The following NFIB variants were observed in gnomAD, a reference collection of about 807,000 sequenced individuals.
NFIB encodes nuclear factor I B.
Under a neutral mutation model 61.5 loss-of-function variants are expected in NFIB, and 11 were observed. The observed-to-expected ratio is 0.18, with a 90% CI of 0.11 to 0.30. The LOEUF is 0.30. NFIB is among the 10% of genes least tolerant of loss of function. The probability of loss-of-function intolerance (pLI) is 1.00; values close to 1 mark genes in which losing one functional copy is unlikely to be tolerated. For synonymous variants in NFIB, 260 were observed against 216.5 expected, an observed-to-expected ratio of 1.20 and a Z score of -1.76; for missense variants, 471 against 608.9, an observed-to-expected ratio of 0.77 and a Z score of 2.38.
chr9:14,467,863 C>A, the NFIB span, among the ~76,000 whole-genome samples: 1 of 152,114 alleles, frequency 6.6e-6, no homozygotes, highest in African/African-American at 2.4e-5. Flanking sequence ...CCCCATTTTA[C>A]AGATGAAAAA....
chr9:14,505,944 A>C, the NFIB span, among the ~76,000 whole-genome samples: 1 of 152,354 alleles, frequency 6.6e-6, no homozygotes, highest in South Asian at 2.1e-4. Flanking sequence ...ACTCTACTAG[A>C]AGCCTGAATG....
chr9:14,372,871 G>T (rs1039264324), intron 1 of NFIB, among the ~76,000 whole-genome samples: 4 of 151,932 alleles, frequency 2.6e-5, no homozygotes, highest in African/African-American at 9.7e-5. Context: ...AATAAAAAAA[G>T]TTAAACCTTT....
intron 2 of NFIB, among the ~76,000 whole-genome samples, chr9:14,202,163 CAA>C (rs1554671425): frequency 2.7e-5 from 4 of 150,674 alleles, no homozygotes; most frequent in African/African-American, 9.8e-5. Context: ...CACACACACA[CAA>C]AGATTTAGCA....
intron 3 of NFIB, among the ~76,000 whole-genome samples, chr9:14,162,251 T>A (rs1020816594): frequency 1.3e-5 from 2 of 152,096 alleles, no homozygotes; most frequent in African/African-American, 4.8e-5. Flanking sequence ...ATCACTGATT[T>A]TTTTTTCTCA....
chr9:14,492,164 C>T, the NFIB span, among the ~76,000 whole-genome samples: 12 of 151,956 alleles, frequency 7.9e-5, no homozygotes, highest in Non-Finnish European at 1.8e-4. Context: ...GAGATCGAGA[C>T]CATCCTGGAT....
the NFIB span, among the ~76,000 whole-genome samples, chr9:14,417,774 G>GTTTTTT: frequency 3.2e-4 from 29 of 91,760 alleles, no homozygotes; most frequent in Admixed American, 7.4e-4. Context: ...CCTAGGAACA[G>GTTTTTT]TTTTTTTTTT....
chr9:14,136,057 T>TA (rs1357168496), intron 6 of NFIB, among the ~76,000 whole-genome samples: 1 of 152,134 alleles, frequency 6.6e-6, no homozygotes, highest in African/African-American at 2.4e-5. Context: ...CTACACCCAA[T>TA]ACCAAGTTAA....
In NFIB at chr9:14,313,372, G is replaced by A; in HGVS notation, c.30+110C>T. 6.7e-7 allele frequency: 1 copy of A among 1,486,136 alleles called. No individual in the cohort carries two copies. Among genetic ancestry groups the A allele is most frequent in the Non-Finnish European group, 9.2e-7 (1 of 1,090,122 alleles). The allele number at this position is 1,486,136 out of a possible 1,614,324, so 92.1% of individuals were successfully genotyped here. On this transcript the variant is annotated intron_variant, in intron 1 of 10. Transcript: ENST00000380953. This position sits in a 1 kb window ranked among gnomAD's most constrained non-coding sequence, Gnocchi z 4.5. ...CTGCAACTCCGGGCCACTTCTCCAA[G>A]GGACGGGGATGTGCGGAGGTTAACT...
intron 2 of NFIB, among the ~76,000 whole-genome samples, chr9:14,218,336 T>G (rs2131805338): frequency 6.6e-6 from 1 of 152,276 alleles, no homozygotes; most frequent in South Asian, 2.1e-4. Flanking sequence ...CTCAAAACCT[T>G]GTTTCTGTTT....
chr9:14,263,237 T>G (rs2056936108), intron 2 of NFIB, among the ~76,000 whole-genome samples: 1 of 151,852 alleles, frequency 6.6e-6, no homozygotes, highest in African/African-American at 2.4e-5. Flanking sequence ...TACTGCATTA[T>G]TTAAAGGTGG....
At chr9:14,277,313 G>A (rs1163535992) in intron 2 of NFIB, among the ~76,000 whole-genome samples, 1 of 147,100 alleles carries the variant, frequency 6.8e-6, no homozygotes, top group African/African-American at 2.5e-5. Context: ...ATATGCATGT[G>A]CACCCGCGCA....
At chr9:14,245,976 T>A (rs1563940210) in intron 2 of NFIB, among the ~76,000 whole-genome samples, 1 of 151,912 alleles carries the variant, frequency 6.6e-6, no homozygotes, top group Non-Finnish European at 1.5e-5. Context: ...ACTGTAAATA[T>A]CCATCACTCT....
the NFIB span, among the ~76,000 whole-genome samples, chr9:14,484,837 C>T: frequency 1.3e-5 from 2 of 152,290 alleles, no homozygotes; most frequent in South Asian, 4.1e-4. Context: ...GCTGCTATAA[C>T]AAAATACCAT....
At chr9:14,119,204 G>C (rs1253854802) in intron 8 of NFIB, among the ~76,000 whole-genome samples, 2 of 152,128 alleles carry the variant, frequency 1.3e-5, no homozygotes, top group Non-Finnish European at 2.9e-5. Context: ...TCCATGAGCT[G>C]ACAACAAATT....
chr9:14,352,438 C>T (rs968945833), intron 1 of NFIB, among the ~76,000 whole-genome samples: 1 of 152,010 alleles, frequency 6.6e-6, no homozygotes. Flanking sequence ...TGAGCGAGGC[C>T]ACAGGTAAAA....
At chr9:14,269,216 G>T (rs925622960) in intron 2 of NFIB, among the ~76,000 whole-genome samples, 1 of 152,034 alleles carries the variant, frequency 6.6e-6, no homozygotes, top group Non-Finnish European at 1.5e-5. Context: ...ATTCTCTACA[G>T]ATTCTGAAAT....
At chr9:14,409,856 T>C in the NFIB span, among the ~76,000 whole-genome samples, 4 of 152,106 alleles carry the variant, frequency 2.6e-5, no homozygotes, top group Non-Finnish European at 5.9e-5. Flanking sequence ...AAAGAACAGA[T>C]GGTTAAGAAA....
At chr9:14,091,986 C>G (rs1270119116) in intron 10 of NFIB, among the ~76,000 whole-genome samples, 4 of 151,924 alleles carry the variant, frequency 2.6e-5, no homozygotes, top group Admixed American at 2.6e-4. Flanking sequence ...GCTATTTTGA[C>G]CAAATGTATG....
intron 1 of NFIB, among the ~76,000 whole-genome samples, chr9:14,363,606 T>C (rs1331225367): frequency 7.5e-6 from 1 of 133,112 alleles, no homozygotes; most frequent in Non-Finnish European, 1.6e-5. Context: ...CATATACATA[T>C]ATATGTGCAT....
Sources: gnomAD v4.1 joint callset for allele counts (sites outside exome capture counted in the v4.1 genomes callset) on GRCh38, gnomAD v4.1.1 for gene constraint, Gnocchi (gnomAD v3.1) non-coding constraint, MANE v1.5 for transcripts, NCBI Gene and HGNC (gene_info 2026-07-23, HGNC 2026-07-21) for gene names.